ARHGAP12: variants seen among roughly 807,000 people sequenced by gnomAD.
ARHGAP12 encodes Rho GTPase activating protein 12, also known as rho GTPase-activating protein 12.
A neutral mutation model predicts 108.6 loss-of-function variants in ARHGAP12; 64 were observed. That is an observed-to-expected ratio of 0.59 (90% CI 0.48 to 0.73). The LOEUF is 0.73. Among genes scored for constraint, ARHGAP12 ranks in the 30% least tolerant of loss-of-function variants. ARHGAP12 has a pLI of 0.00. For synonymous variants in ARHGAP12, 312 were observed against 337.2 expected (o/e 0.93, Z 0.82); for missense variants, 940 against 1,005.9 (o/e 0.93, Z 0.89).
rs1834860727 is a variant in ARHGAP12 at position 31,807,562 on chromosome 10, G to A, written c.*96C>T. On this transcript the variant is annotated 3_prime_UTR_variant, in exon 20 of 20. Transcript: ENST00000344936. ...CAAAAAAAAAGTGCAAAATCAAAGA[G>A]TCACTGCTTGGTCCAAAAAATAAAA... is the stretch of plus-strand genomic sequence containing the variant. 1.6e-6 allele frequency: 2 copies of A among 1,289,644 alleles called. No homozygotes were observed. Among genetic ancestry groups the A allele is most frequent in the Non-Finnish European group, 2.1e-6 (2 of 954,746 alleles). The allele number at this position is 1,289,644 out of a possible 1,614,324, so 79.9% of individuals were successfully genotyped here. A position where few individuals can be genotyped will look rare whatever the true frequency, so the allele number is the denominator to read the frequency against.
intron 1 of ARHGAP12, among the ~76,000 whole-genome samples, chr10:31,916,433 C>T (rs1839559959): frequency 6.6e-6 from 1 of 152,000 alleles, no homozygotes; most frequent in Non-Finnish European, 1.5e-5. Flanking sequence ...ATCTAAAAGC[C>T]TCCTCCTTTC....
chr10:31,900,986 C>T (rs915593766), intron 3 of ARHGAP12, among the ~76,000 whole-genome samples: 6 of 152,190 alleles, frequency 3.9e-5, no homozygotes, highest in Non-Finnish European at 8.8e-5. Flanking sequence ...GAGGCTGAGG[C>T]GGGCTGATCA....
At chr10:31,867,902 A>T (rs962652790) in intron 3 of ARHGAP12, among the ~76,000 whole-genome samples, 9 of 132,098 alleles carry the variant, frequency 6.8e-5, no homozygotes, top group African/African-American at 1.5e-4. Flanking sequence ...TTTCTGATTT[A>T]AAAAAAAAAA....
intron 1 of ARHGAP12, among the ~76,000 whole-genome samples, chr10:31,917,236 C>T (rs1170718137): frequency 6.6e-6 from 1 of 151,708 alleles, no homozygotes; most frequent in African/African-American, 2.4e-5. Context: ...GGTGAAACCT[C>T]GTCTCTACTA....
chr10:31,902,023 G>A (rs766063097), intron 3 of ARHGAP12, among the ~76,000 whole-genome samples: 1 of 152,200 alleles, frequency 6.6e-6, no homozygotes, highest in Non-Finnish European at 1.5e-5. Context: ...ACAGGTTCCA[G>A]GGATTAGGAC....
chr10:31,916,007 T>G (rs914208125), intron 1 of ARHGAP12, among the ~76,000 whole-genome samples: 2 of 152,220 alleles, frequency 1.3e-5, no homozygotes, highest in Non-Finnish European at 2.9e-5. Context: ...CTGTAGATTC[T>G]GTTCTTAAGA....
chr10:31,920,877 T>C (rs1351321312), intron 1 of ARHGAP12, among the ~76,000 whole-genome samples: 2 of 152,198 alleles, frequency 1.3e-5, no homozygotes, highest in Non-Finnish European at 2.9e-5. Flanking sequence ...AAGTATGTTC[T>C]CCAATCACAA....
At position 31,826,361 on chromosome 10, in the gene ARHGAP12, C is replaced by T. The variant is rs750941512; in HGVS notation, c.1473G>A (p.Ala491=). ...KVRKNWLSSW[A]VLQGSSLLFT... The stretch of plus-strand genomic sequence containing the variant: ...AAAGTAAAGATGAACCCTGCAACAC[C>T]GCCCAAGAAGACAACCAGTTCTTTC... Residue 491 remains alanine, a synonymous_variant, in exon 11 of 20, where the codon GCG becomes GCA. Coordinates refer to ENST00000344936, the MANE Select transcript of ARHGAP12 (RefSeq NM_018287.7). The T allele has an allele frequency of 4.8e-5, 77 of 1,611,070 alleles. 1 individual carries two copies. The South Asian group carries it at 5.5e-4, about 12-fold the overall frequency.
At chr10:31,916,710 G>A (rs189902329) in intron 1 of ARHGAP12, among the ~76,000 whole-genome samples, 1 of 152,168 alleles carries the variant, frequency 6.6e-6, no homozygotes, top group East Asian at 1.9e-4. Flanking sequence ...TCTGCCACCC[G>A]GGTTCAAGCG....
chr10:31,911,216 G>A (rs144096697), intron 1 of ARHGAP12, among the ~76,000 whole-genome samples: 3,642 of 152,098 alleles, frequency 0.024, 157 homozygotes, highest in African/African-American at 0.082. Context: ...TAGAGATGGG[G>A]TTTTGCCATG....
chr10:31,882,350 A>G (rs530725248), intron 3 of ARHGAP12, among the ~76,000 whole-genome samples: 3 of 152,112 alleles, frequency 2.0e-5, no homozygotes, highest in Non-Finnish European at 4.4e-5. Flanking sequence ...TTTGTCCCCA[A>G]AAGTAATGTT....
chr10:31,829,408 A>G (rs1209154378), intron 10 of ARHGAP12, among the ~76,000 whole-genome samples: 2 of 152,200 alleles, frequency 1.3e-5, no homozygotes, highest in Non-Finnish European at 2.9e-5. Flanking sequence ...CTGTTGCACA[A>G]CAATGTGAAT....
intron 3 of ARHGAP12, among the ~76,000 whole-genome samples, chr10:31,884,783 T>C (rs556773881): frequency 6.6e-6 from 1 of 152,324 alleles, no homozygotes; most frequent in African/African-American, 2.4e-5. Flanking sequence ...TCACCACTGC[T>C]TTCATGAAGA....
chr10:31,872,540 T>A (rs1336952089), intron 3 of ARHGAP12, among the ~76,000 whole-genome samples: 1 of 152,188 alleles, frequency 6.6e-6, no homozygotes, highest in Non-Finnish European at 1.5e-5. Context: ...TCCTAATATA[T>A]CTTGAATTTC....
At chr10:31,852,821 AG>A (rs1256825843) in intron 5 of ARHGAP12, among the ~76,000 whole-genome samples, 1 of 144,212 alleles carries the variant, frequency 6.9e-6, no homozygotes, top group Non-Finnish European at 1.5e-5. Context: ...AGGTTCAAGC[AG>A]TTCAAGCAAT....
chr10:31,823,275 T>C (rs1400568474), intron 11 of ARHGAP12, among the ~76,000 whole-genome samples: 3 of 151,990 alleles, frequency 2.0e-5, no homozygotes, highest in Non-Finnish European at 2.9e-5. Context: ...AAAAAACAAA[T>C]ACAAGTTTAT....
Position 31,896,109 on chromosome 10 carries a change from G to C in ARHGAP12, c.684+12063C>G, listed in dbSNP as rs190158580. Among the ~76,000 whole-genome samples the C allele has an allele frequency of 8.5e-3, 1,288 of 152,066 alleles. 25 individuals carry two copies. The highest frequency in any genetic ancestry group is 0.029 in the African/African-American group (1,213 of 41,464). ...TGTTGTGGGGTGGGGGGAGCGGGGA[G>C]GGATAGCATTAGGAGATATACCTAA... On this transcript the variant is annotated intron_variant, in intron 3 of 19. Transcript: ENST00000344936.
At position 31,861,517 on chromosome 10, in the gene ARHGAP12, CTTTAT is replaced by C; in HGVS notation, c.821_825del (p.His274ArgfsTer10). 1 of 1,614,148 alleles carries C rather than the reference CTTTAT, an allele frequency of 6.2e-7. No homozygotes were observed. The highest frequency in any genetic ancestry group is 1.1e-5 in the South Asian group (1 of 91,084). On this transcript the variant is annotated frameshift_variant, in exon 4 of 20. Coordinates refer to ENST00000344936, the MANE Select transcript of ARHGAP12 (RefSeq NM_018287.7). LOFTEE classifies it high-confidence loss of function. ...TAGTAATAGCAACGCCCTGAGCTGT[CTTTAT>C]GAGTTTCCCATTCTCCATTAATCTG...
chr10:31,888,308 G>A (rs1838263428), intron 3 of ARHGAP12, among the ~76,000 whole-genome samples: 2 of 152,156 alleles, frequency 1.3e-5, no homozygotes, highest in African/African-American at 4.8e-5. Flanking sequence ...CAGTTTGGGT[G>A]GGGTCCAATC....
Sources: allele counts gnomAD v4.1 joint callset (sites outside exome capture counted in the v4.1 genomes callset), GRCh38; gene constraint gnomAD v4.1.1; transcripts MANE v1.5; gene names NCBI Gene and HGNC (gene_info 2026-07-23, HGNC 2026-07-21).